TSC2: variants seen among roughly 807,000 people sequenced by gnomAD.
The protein encoded by TSC2 is TSC complex subunit 2.
TSC2 carries 29 observed loss-of-function variants against 202.2 expected under a neutral mutation model. That is an observed-to-expected ratio of 0.14 (90% CI 0.11 to 0.20). The LOEUF (loss-of-function observed/expected upper bound fraction) is 0.20. Among genes scored for constraint, TSC2 ranks in the 10% least tolerant of loss-of-function variants. The pLI, the probability that TSC2 is intolerant of heterozygous loss-of-function variation, is 1.00. For missense variants in TSC2, 2,429 were observed against 2,420.0 expected (o/e 1.00, Z -0.08); for synonymous variants, 1,349 against 1,044.0 (o/e 1.29, Z -5.63).
At position 2,083,930 on chromosome 16, in the gene TSC2, T is replaced by C. The variant is rs542619056; in HGVS notation, c.4005+114T>C. The C allele has an allele frequency of 3.7e-5, 54 of 1,459,534 alleles. No homozygotes were observed. In the African/African-American group the frequency reaches 6.1e-4, roughly 17 times the overall value. The allele number at this position is 1,459,534 out of a possible 1,614,324, so 90.4% of individuals were successfully genotyped here. A position where few individuals can be genotyped will look rare whatever the true frequency, so the allele number is the denominator to read the frequency against. Reference sequence around the variant, plus strand: ...GAACTGGCTCTGAACTTGGGGGAGATGTTCTTCCACATCCCTCGTGCACAG... The same window carrying C: ...GAACTGGCTCTGAACTTGGGGGAGACGTTCTTCCACATCCCTCGTGCACAG... On this transcript the variant is annotated intron_variant, in intron 33 of 41. Coordinates refer to ENST00000219476, the MANE Select transcript of TSC2 (RefSeq NM_000548.5).
chr16:2,086,608 C>G, intron 37 of TSC2, 124 bp from the exon 38 acceptor site: 1 of 1,484,988 alleles, frequency 6.7e-7, no homozygotes, highest in Non-Finnish European at 9.1e-7. Context: ...ACTGGCCAGG[C>G]ACCAGAGGAC....
At position 2,088,569 on chromosome 16, in the gene TSC2, C is replaced by T. The variant is rs45517423; in HGVS notation, c.5383C>T (p.Arg1795Cys). ...TGGCTATGAGGTGGGCCAGCGGAAG[C>T]GCCTCATCTCCTCGGTGGAGGACTT... is the stretch of plus-strand genomic sequence containing the variant. ...TPGYEVGQRK[R>C]LISSVEDFTE... The change falls in exon 42 of 42, where the codon CGC becomes TGC. Residue 1795 changes from arginine to cysteine, a missense_variant. Arg to Cys is a radical substitution (Grantham distance 180). Coordinates refer to ENST00000219476, the MANE Select transcript of TSC2 (RefSeq NM_000548.5). 2,955 of 1,609,942 alleles carry T rather than the reference C, an allele frequency of 1.8e-3. 2 individuals carry two copies. Among genetic ancestry groups the T allele is most frequent in the Admixed American group, 2.4e-3 (147 of 60,016 alleles).
chr16:2,060,258 C>CTGCGG (rs1462868943), intron 10 of TSC2, among the ~76,000 whole-genome samples: 1 of 152,182 alleles, frequency 6.6e-6, no homozygotes, highest in Non-Finnish European at 1.5e-5. Context: ...TAGTGATGAG[C>CTGCGG]TGCGGTGTGG....
Position 2,064,434 on chromosome 16 carries a change from G to A in TSC2, c.1599+7G>A, listed in dbSNP as rs1261800438. 4.3e-6 allele frequency: 7 copies of A among 1,613,192 alleles called. No homozygotes were observed. The highest frequency in any genetic ancestry group is 5.9e-6 in the Non-Finnish European group (7 of 1,180,014). ...GCTGGACATCATCGAGAAGGTGAGA[G>A]CCGTTGTACCCGGGGCCGGGTGCTA... is the stretch of plus-strand genomic sequence containing the variant. On this transcript the variant is annotated splice_region_variant and intron_variant, in intron 15 of 41. Transcript: ENST00000219476.
At chr16:2,076,867 G>A (rs2089461085) in intron 25 of TSC2, among the ~76,000 whole-genome samples, 1 of 152,168 alleles carries the variant, frequency 6.6e-6, no homozygotes, top group Non-Finnish European at 1.5e-5. Context: ...CGAAGGAGCC[G>A]GCCTTGTCTG....
At chr16:2,051,150 C>G (rs565487488) in intron 3 of TSC2, among the ~76,000 whole-genome samples, 1 of 151,836 alleles carries the variant, frequency 6.6e-6, no homozygotes, top group Admixed American at 6.6e-5. Flanking sequence ...ATGGCGAAAC[C>G]CCGTCTGTAC....
At chr16:2,086,489 C>G in intron 37 of TSC2, 110 bp downstream of exon 37, 4 of 1,483,278 alleles carry the variant, frequency 2.7e-6, no homozygotes, top group Non-Finnish European at 3.7e-6. Context: ...CCCACCTGCT[C>G]CAGCTCCCCA....
intron 7 of TSC2, 106 bp from the exon 8 acceptor site, chr16:2,056,538 A>C: frequency 1.3e-6 from 2 of 1,497,356 alleles, no homozygotes; most frequent in South Asian, 1.2e-5. Context: ...GGCAGCGGGG[A>C]GAGGTGGCAG....
At chr16:2,072,732 T>TC (rs2088660885) in intron 20 of TSC2, 117 bp from the exon 21 acceptor site, 11 of 1,552,074 alleles carry the variant, frequency 7.1e-6, no homozygotes, top group Non-Finnish European at 9.7e-6. Context: ...GCAAGAAGGC[T>TC]CCCCAGCCCC....
intron 1 of TSC2, 95 bp from the exon 2 acceptor site, chr16:2,048,492 C>A: frequency 6.7e-7 from 1 of 1,499,648 alleles, no homozygotes; most frequent in African/African-American, 1.4e-5. Flanking sequence ...GTTATGCCCA[C>A]CAGAGACCCA....
At chr16:2,082,658 T>C (rs1459345165) in intron 32 of TSC2, 154 bp downstream of exon 32, 3 of 846,800 alleles carry the variant, frequency 3.5e-6, no homozygotes, top group East Asian at 2.6e-5. Flanking sequence ...CTGTGCAGAA[T>C]GTCTTTGGCT....
At chr16:2,055,610 G>A in intron 6 of TSC2, 91 bp downstream of exon 6, 1 of 1,274,770 alleles carries the variant, frequency 7.8e-7, no homozygotes, top group Non-Finnish European at 1.1e-6. Context: ...AATAGAGGTT[G>A]GGCTGGGCAC....
rs778989782 is a variant in TSC2, at chr16:2,086,829, C to G, written c.4947C>G (p.Val1649=). The stretch of plus-strand genomic sequence containing the variant: ...TGGGCAACGACTTTGTGTCCATTGT[C>G]TACAATGACTCCGGTGAGGACTTCA... ...RHLGNDFVSI[V]YNDSGEDFKL... is the part of the protein sequence containing the mutation. Residue 1649 remains valine, a synonymous_variant, in exon 38 of 42, where the codon GTC becomes GTG. Transcript: ENST00000219476. 4 of 1,607,818 alleles carry G rather than the reference C, an allele frequency of 2.5e-6. No individual in the cohort carries two copies. The South Asian group carries it at 3.3e-5, about 13-fold the overall frequency.
intron 30 of TSC2, chr16:2,080,634 C>T (rs566665629): frequency 3.0e-5 from 15 of 504,366 alleles, no homozygotes; most frequent in African/African-American, 1.9e-4. Flanking sequence ...CAGGCGCCCG[C>T]CACCACGCCT....
At chr16:2,083,255 G>A (rs978949781) in intron 32 of TSC2, 5 of 461,906 alleles carry the variant, frequency 1.1e-5, no homozygotes, top group East Asian at 6.8e-5. Flanking sequence ...GAGTTGGAGG[G>A]TGAGCCTCTG....
At chr16:2,086,932 G>C (rs1386920089) in intron 38 of TSC2, 61 bp downstream of exon 38, 22 of 1,547,618 alleles carry the variant, frequency 1.4e-5, no homozygotes, top group Admixed American at 2.0e-5. Flanking sequence ...TGTGTCCCGG[G>C]TTGGTGGCAG....
intron 26 of TSC2, 132 bp downstream of exon 26, chr16:2,077,858 C>A: frequency 6.7e-7 from 1 of 1,486,160 alleles, no homozygotes; most frequent in South Asian, 1.2e-5. Context: ...CAGGGGGAGC[C>A]GGTGACGAGG....
Position 2,070,559 on chromosome 16 carries a change from C to G in TSC2, c.1820C>G (p.Ala607Gly), listed in dbSNP as rs397515296. ...HYKHSYTLPI[A>G]SSIRLQAFDF... ...AAGCACAGCTACACCCTGCCAATCG[C>G]GAGCAGCATCCGGCTGCAGGTATGG... is the stretch of plus-strand genomic sequence containing the variant. Residue 607 changes from alanine to glycine, a missense_variant, in exon 17 of 42, where the codon GCG becomes GGG. Physicochemically the swap from Ala to Gly is moderately conservative, Grantham distance 60 (BLOSUM62 0). Transcript: ENST00000219476. 6.2e-7 allele frequency: 1 copy of G among 1,613,168 alleles called. No individual in the cohort carries two copies. Among genetic ancestry groups the G allele is most frequent in the South Asian group, 1.1e-5 (1 of 91,088 alleles).
intron 4 of TSC2, 87 bp from the exon 5 acceptor site, chr16:2,054,209 C>G (rs1596264110): frequency 6.2e-7 from 1 of 1,604,848 alleles, no homozygotes; most frequent in Non-Finnish European, 8.5e-7. Context: ...GGGCTGGAGT[C>G]CGGGTGCCCC....
Sources: allele counts gnomAD v4.1 joint callset (sites outside exome capture counted in the v4.1 genomes callset), GRCh38; gene constraint gnomAD v4.1.1; transcripts MANE v1.5; gene names NCBI Gene and HGNC (gene_info 2026-07-23, HGNC 2026-07-21).